The following PPP6R3 variants were observed in gnomAD, a reference collection of about 807,000 sequenced individuals.
PPP6R3 encodes the protein protein phosphatase 6 regulatory subunit 3.
In PPP6R3, 38 loss-of-function variants were observed where a neutral mutation model predicts 110.7. The observed-to-expected ratio is 0.34, with a 90% CI of 0.26 to 0.45. PPP6R3 has a LOEUF of 0.45. Ranked by LOEUF, PPP6R3 falls within the 20% of genes least tolerant of loss-of-function variation. The pLI, the probability that PPP6R3 is intolerant of heterozygous loss-of-function variation, is 1.00. For missense variants in PPP6R3, 870 were observed against 1,062.4 expected (o/e 0.82, Z 2.52); for synonymous variants, 369 against 373.5 (o/e 0.99, Z 0.14).
At chr11:68,552,416 C>T (rs560462057) in intron 6 of PPP6R3, among the ~76,000 whole-genome samples, 19 of 152,308 alleles carry the variant, frequency 1.2e-4, no homozygotes, top group Admixed American at 4.6e-4. Flanking sequence ...CTTTTCATAC[C>T]TGGACTTTAT....
chr11:68,523,498 T>C (rs2099174812), intron 2 of PPP6R3, among the ~76,000 whole-genome samples: 1 of 152,142 alleles, frequency 6.6e-6, no homozygotes, highest in African/African-American at 2.4e-5. Context: ...TATGGTCCTT[T>C]TTTTGTGTTG....
chr11:68,551,492 T>C (rs2099376635), intron 6 of PPP6R3, among the ~76,000 whole-genome samples: 1 of 151,646 alleles, frequency 6.6e-6, no homozygotes, highest in Non-Finnish European at 1.5e-5. Flanking sequence ...TCCTTTTTAC[T>C]TTTTTTTTCC....
At position 68,615,079 on chromosome 11, in the gene PPP6R3, A is replaced by G. The variant is rs1945009452; in HGVS notation, c.*1962A>G. 3 of 471,702 alleles carry G rather than the reference A, an allele frequency of 6.4e-6. No homozygotes were observed. Among genetic ancestry groups the G allele is most frequent in the Non-Finnish European group, 1.3e-5 (3 of 237,214 alleles). 29.2% of individuals were successfully genotyped at this position (471,702 alleles called of 1,614,324 possible). On this transcript the variant is annotated 3_prime_UTR_variant, in exon 24 of 24. Coordinates refer to ENST00000393800, the MANE Select transcript of PPP6R3 (RefSeq NM_001164161.2). ...TTCATCCCACTGACTGCTGGGAGAG[A>G]GCCTCTGGGACTTTTCTTTGGGGCA...
intron 1 of PPP6R3, among the ~76,000 whole-genome samples, chr11:68,461,750 G>C: frequency 6.6e-6 from 1 of 152,118 alleles, no homozygotes; most frequent in East Asian, 1.9e-4. Flanking sequence ...GCTTTTATGG[G>C]AGGGGGTGCT....
In PPP6R3 at chr11:68,614,392, CT is replaced by C; in HGVS notation, c.*1277del. 1 of 1,269,946 alleles carries C rather than the reference CT, an allele frequency of 7.9e-7. No homozygotes were observed. The highest frequency in any genetic ancestry group is 9.9e-7 in the Non-Finnish European group (1 of 1,006,678). The allele number at this position is 1,269,946 out of a possible 1,614,324, so 78.7% of individuals were successfully genotyped here. A position where few individuals can be genotyped will look rare whatever the true frequency, so the allele number is the denominator to read the frequency against. ...GTGAAAGGGTTAAATTACTTCACCTCTTGCACTTTTAGATGCAAATCAGTTT... is the reference window on the plus strand; with the variant it reads ...GTGAAAGGGTTAAATTACTTCACCTCTGCACTTTTAGATGCAAATCAGTTT... On this transcript the variant is annotated 3_prime_UTR_variant, in exon 24 of 24. Coordinates refer to ENST00000393800, the MANE Select transcript of PPP6R3 (RefSeq NM_001164161.2).
At chr11:68,602,072 T>A (rs2099633612) in intron 21 of PPP6R3, 103 bp downstream of exon 21, 2 of 859,450 alleles carry the variant, frequency 2.3e-6, no homozygotes, top group East Asian at 5.2e-5. Flanking sequence ...GGGAGTGAGA[T>A]GGTGGGTCTG....
Position 68,613,795 on chromosome 11 carries a change from A to G in PPP6R3, c.*678A>G, listed in dbSNP as rs2153984817. ...ACATCATAGTTGATAAATTGATGTT[A>G]TCGTAAAGCCATATGTTCTGTTCAA... On this transcript the variant is annotated 3_prime_UTR_variant, in exon 24 of 24. Coordinates refer to ENST00000393800, the MANE Select transcript of PPP6R3 (RefSeq NM_001164161.2). 1.0e-6 allele frequency: 1 copy of G among 984,570 alleles called. No individual in the cohort carries two copies. 61.0% of individuals were successfully genotyped at this position (984,570 alleles called of 1,614,324 possible).
Position 68,614,577 on chromosome 11 carries a change from A to AAAAG in PPP6R3, c.*1463_*1466dup. On this transcript the variant is annotated 3_prime_UTR_variant, in exon 24 of 24. Coordinates refer to ENST00000393800, the MANE Select transcript of PPP6R3 (RefSeq NM_001164161.2). ...TAAACATTACATTGCATATGGAAAT[A>AAAAG]AAAGAATCAAACGTCTAATGCCTTA... The AAAAG allele has an allele frequency of 1.3e-6, 2 of 1,506,624 alleles. No homozygotes were observed. The highest frequency in any genetic ancestry group is 2.7e-5 in the South Asian group (2 of 74,474). The allele number at this position is 1,506,624 out of a possible 1,614,324, so 93.3% of individuals were successfully genotyped here.
chr11:68,606,542 C>T (rs1407045174), intron 22 of PPP6R3, among the ~76,000 whole-genome samples: 1 of 150,840 alleles, frequency 6.6e-6, no homozygotes, highest in Non-Finnish European at 1.5e-5. Context: ...TCTCAAACTC[C>T]TGAGCTCAAG....
At chr11:68,471,248 A>C (rs1359590186) in intron 1 of PPP6R3, among the ~76,000 whole-genome samples, 4 of 148,412 alleles carry the variant, frequency 2.7e-5, no homozygotes, top group Non-Finnish European at 5.9e-5. Flanking sequence ...CGCGCCCTGC[A>C]CTCCAGCCTG....
Position 68,537,702 on chromosome 11 carries a change from T to C in PPP6R3, c.38T>C (p.Ile13Thr), listed in dbSNP as rs774989565. ...WKFDLHSSSHIDTLLEREDVT... is the reference protein window; with the variant it reads ...WKFDLHSSSHTDTLLEREDVT... ...TTTGATCTTCACTCATCATCCCACATAGACACACTTCTAGAAAGAGAAGAT... is the reference window on the plus strand; with the variant it reads ...TTTGATCTTCACTCATCATCCCACACAGACACACTTCTAGAAAGAGAAGAT... The change falls in exon 3 of 24, where the codon ATA becomes ACA. Residue 13 changes from isoleucine to threonine, a missense_variant. By Grantham distance (89) the Ile-to-Thr change is moderately conservative. Transcript: ENST00000393800. 6.2e-7 allele frequency: 1 copy of C among 1,612,350 alleles called. No homozygotes were observed. The highest frequency in any genetic ancestry group is 8.5e-7 in the Non-Finnish European group (1 of 1,178,564).
At chr11:68,470,379 G>A (rs1439777967) in intron 1 of PPP6R3, among the ~76,000 whole-genome samples, 1 of 152,042 alleles carries the variant, frequency 6.6e-6, no homozygotes, top group African/African-American at 2.4e-5. Flanking sequence ...CTAAGAAGGA[G>A]GCATGTCTGC....
At position 68,558,696 on chromosome 11, in the gene PPP6R3, T is replaced by A. The variant is rs1226889267; in HGVS notation, c.845+17T>A. The stretch of plus-strand genomic sequence containing the variant: ...ACGACCAACGTAAGCTTTTCTTATA[T>A]CTTACAAAATGAACCATGTTGTTTT... On this transcript the variant is annotated intron_variant, in intron 8 of 23. Transcript: ENST00000393800. The A allele has an allele frequency of 5.2e-6, 8 of 1,548,058 alleles. No individual in the cohort carries two copies. Among genetic ancestry groups the A allele is most frequent in the African/African-American group, 1.4e-5 (1 of 73,352 alleles).
chr11:68,490,088 A>C (rs2098974421), intron 1 of PPP6R3, among the ~76,000 whole-genome samples: 1 of 152,086 alleles, frequency 6.6e-6, no homozygotes, highest in South Asian at 2.1e-4. Flanking sequence ...TGTGTTTCCT[A>C]CCTGGATCAT....
intron 17 of PPP6R3, among the ~76,000 whole-genome samples, chr11:68,591,125 T>C (rs766655603): frequency 1.3e-5 from 2 of 151,582 alleles, no homozygotes; most frequent in African/African-American, 2.4e-5. Context: ...GTTTATTGAT[T>C]TTATGTTGAC....
chr11:68,518,975 A>G (rs1347246320), intron 1 of PPP6R3, among the ~76,000 whole-genome samples: 6 of 152,176 alleles, frequency 3.9e-5, no homozygotes, highest in South Asian at 2.1e-4. Context: ...GATAATTTCT[A>G]TTCTTTTCAT....
At chr11:68,465,268 G>C (rs1286537826) in intron 1 of PPP6R3, among the ~76,000 whole-genome samples, 1 of 152,176 alleles carries the variant, frequency 6.6e-6, no homozygotes, top group Non-Finnish European at 1.5e-5. Context: ...TGAGGGCACA[G>C]ATAGGCATAC....
rs191258369 is a variant in PPP6R3, at chr11:68,611,939, A to G, written c.2571-1127A>G. ...GTCACACTTAAAGATCTGCATTGCC[A>G]CATGATCTCACTTTTCACAGCTGTT... On this transcript the variant is annotated intron_variant, in intron 23 of 23. Coordinates refer to ENST00000393800, the MANE Select transcript of PPP6R3 (RefSeq NM_001164161.2). 1.2e-3 allele frequency among the ~76,000 whole-genome samples: 181 copies of G among 152,310 alleles called. 1 individual carries two copies. The highest frequency in any genetic ancestry group is 2.4e-3 in the Non-Finnish European group (160 of 68,018).
chr11:68,551,370 A>C, intron 6 of PPP6R3, 184 bp downstream of exon 6: 1 of 556,412 alleles, frequency 1.8e-6, no homozygotes, highest in Non-Finnish European at 3.1e-6. Context: ...AATACTCAGA[A>C]AATTTCCAGA....
Sources: gnomAD v4.1 joint callset for allele counts (sites outside exome capture counted in the v4.1 genomes callset) on GRCh38, gnomAD v4.1.1 for gene constraint, MANE v1.5 for transcripts, NCBI Gene and HGNC (gene_info 2026-07-23, HGNC 2026-07-21) for gene names.